Variants in AUTS2 observed in about 807,000 individuals in gnomAD.
AUTS2 encodes the protein activator of transcription and developmental regulator AUTS2.
Under a neutral mutation model 112.4 loss-of-function variants are expected in AUTS2, and 17 were observed. The ratio of observed to expected loss-of-function variants is 0.15; its 90% CI spans 0.10 to 0.23. The LOEUF is 0.23. AUTS2 is among the 10% of genes least tolerant of loss of function. The pLI is 1.00. For synonymous variants in AUTS2, 751 were observed against 702.7 expected (o/e 1.07, Z -1.09); for missense variants, 1,510 against 1,701.6 (o/e 0.89, Z 1.98).
At chr7:69,833,117 AT>A (rs1437590422) in intron 1 of AUTS2, among the ~76,000 whole-genome samples, 2 of 152,118 alleles carry the variant, frequency 1.3e-5, no homozygotes, top group Non-Finnish European at 2.9e-5. Flanking sequence ...TACAATACAG[AT>A]TGCTGGACTC....
At chr7:69,680,459 AT>A (rs140206194) in intron 1 of AUTS2, among the ~76,000 whole-genome samples, 2,354 of 152,310 alleles carry the variant, frequency 0.015, 32 homozygotes, top group Non-Finnish European at 0.02. Context: ...TGTTAAAAAA[AT>A]ATTACAAAGT....
chr7:70,726,748 G>A (rs1313440433), intron 6 of AUTS2, among the ~76,000 whole-genome samples: 1 of 152,188 alleles, frequency 6.6e-6, no homozygotes, highest in Non-Finnish European at 1.5e-5. Context: ...ATATTGTCAA[G>A]TCAGAGAGGC....
At chr7:69,950,667 A>G (rs1008419766) in intron 2 of AUTS2, among the ~76,000 whole-genome samples, 1 of 152,126 alleles carries the variant, frequency 6.6e-6, no homozygotes, top group Non-Finnish European at 1.5e-5. Flanking sequence ...GCACTGCCAC[A>G]TGACTTCTGG....
rs150049981 is a variant in AUTS2 at position 70,425,023 on chromosome 7, C to A, written c.661-10729C>A. Among the ~76,000 whole-genome samples, 458 of 152,258 alleles carry A rather than the reference C, an allele frequency of 3.0e-3. 1 individual carries two copies. Among genetic ancestry groups the A allele is most frequent in the African/African-American group, 0.01 (431 of 41,550 alleles). On this transcript the variant is annotated intron_variant, in intron 4 of 18. Transcript: ENST00000342771. ...AACCAGGCTTTTCCAAAATAGAGAG[C>A]TCAGGGCTGCCCTGCCATCATGGAC...
chr7:69,798,952 C>T (rs1789965421), intron 1 of AUTS2, among the ~76,000 whole-genome samples: 1 of 151,520 alleles, frequency 6.6e-6, no homozygotes, highest in African/African-American at 2.4e-5. Context: ...AATGGCACCA[C>T]TGCATTCCAG....
At chr7:69,775,882 C>T (rs1332151770) in intron 1 of AUTS2, among the ~76,000 whole-genome samples, 1 of 152,082 alleles carries the variant, frequency 6.6e-6, no homozygotes, top group East Asian at 1.9e-4. Context: ...GCAAATACCC[C>T]GGTCTCATTT....
chr7:69,614,820 G>A (rs1452712448), intron 1 of AUTS2, among the ~76,000 whole-genome samples: 1 of 152,000 alleles, frequency 6.6e-6, no homozygotes, highest in Non-Finnish European at 1.5e-5. Flanking sequence ...GTTTCTTCTT[G>A]GAATCACCAT....
intron 5 of AUTS2, among the ~76,000 whole-genome samples, chr7:70,535,952 T>A (rs1187464712): frequency 6.6e-6 from 1 of 152,114 alleles, no homozygotes; most frequent in Non-Finnish European, 1.5e-5. Flanking sequence ...TGTGGGAGTG[T>A]CTAAGGTTGA....
chr7:70,156,891 TAAAAAAAAAAAAAAA>T lies in AUTS2; in HGVS notation c.660+22342_660+22356del, dbSNP rs781281055. 2.1e-3 allele frequency among the ~76,000 whole-genome samples: 79 copies of T among 37,880 alleles called. 1 individual carries two copies. In the South Asian group the frequency reaches 0.048, roughly 23 times the overall value. The allele number at this position is 37,880 out of a possible 152,430, so 24.9% of individuals were successfully genotyped here. The stretch of plus-strand genomic sequence containing the variant: ...AGTGAAACCCCATCTCTACTAAAAG[TAAAAAAAAAAAAAAA>T]AAAAAAAAAAAAAAAAAAAAATTAG... On this transcript the variant is annotated intron_variant, in intron 4 of 18. Transcript: ENST00000342771.
intron 1 of AUTS2, among the ~76,000 whole-genome samples, chr7:69,826,098 T>C (rs1791229932): frequency 1.3e-5 from 2 of 152,216 alleles, no homozygotes; most frequent in African/African-American, 4.8e-5. Flanking sequence ...CCTGCAGCTA[T>C]AGTTATTCAT....
chr7:70,708,115 T>G (rs1163925810), intron 6 of AUTS2, among the ~76,000 whole-genome samples: 1 of 152,140 alleles, frequency 6.6e-6, no homozygotes, highest in Non-Finnish European at 1.5e-5. Flanking sequence ...TTGGAAAACA[T>G]TTTCCCCCTC....
At chr7:69,998,601 A>G (rs1257100108) in intron 2 of AUTS2, among the ~76,000 whole-genome samples, 3 of 152,228 alleles carry the variant, frequency 2.0e-5, no homozygotes, top group African/African-American at 4.8e-5. Flanking sequence ...GTAAATATTT[A>G]TTGAGCTCCT....
intron 1 of AUTS2, among the ~76,000 whole-genome samples, chr7:69,847,401 G>A (rs937856567): frequency 6.6e-6 from 1 of 152,196 alleles, no homozygotes; most frequent in Non-Finnish European, 1.5e-5. Context: ...GTCATTCTTT[G>A]TAGATCATGG....
At chr7:70,418,111 GTC>G in intron 4 of AUTS2, among the ~76,000 whole-genome samples, 1 of 146,178 alleles carries the variant, frequency 6.8e-6, no homozygotes, top group African/African-American at 2.5e-5. Context: ...GTGTGTGTGT[GTC>G]TGTGTGTGTA....
chr7:69,688,577 C>G (rs923115548), intron 1 of AUTS2, among the ~76,000 whole-genome samples: 5 of 152,114 alleles, frequency 3.3e-5, no homozygotes, highest in African/African-American at 1.2e-4. Context: ...GTGATCAGAT[C>G]AGGGTAATTA....
At chr7:70,208,011 CA>C (rs61267230) in intron 4 of AUTS2, among the ~76,000 whole-genome samples, 1,609 of 48,032 alleles carry the variant, frequency 0.033, 6 homozygotes, top group African/African-American at 0.074. Context: ...AACTCCATCT[CA>C]AAAAAAAAAA....
chr7:70,121,208 C>G (rs1805665147), intron 3 of AUTS2, among the ~76,000 whole-genome samples: 1 of 152,110 alleles, frequency 6.6e-6, no homozygotes, highest in Non-Finnish European at 1.5e-5. Context: ...CAAAATGAAT[C>G]AATGACCAAA....
At chr7:70,112,310 T>A (rs1805127690) in intron 2 of AUTS2, among the ~76,000 whole-genome samples, 1 of 151,442 alleles carries the variant, frequency 6.6e-6, no homozygotes, top group African/African-American at 2.4e-5. Flanking sequence ...TTACTTTTTA[T>A]CATAGAGAAG....
chr7:70,126,276 C>G (rs140329883), intron 3 of AUTS2, among the ~76,000 whole-genome samples: 58 of 152,118 alleles, frequency 3.8e-4, no homozygotes, highest in African/African-American at 1.3e-3. Context: ...AATAAATTAG[C>G]TGGACGTGGT....
Sources: allele counts gnomAD v4.1 joint callset (sites outside exome capture counted in the v4.1 genomes callset), GRCh38; gene constraint gnomAD v4.1.1; transcripts MANE v1.5; gene names NCBI Gene and HGNC (gene_info 2026-07-23, HGNC 2026-07-21).